Variants in SYN3 observed in about 807,000 individuals in gnomAD.
SYN3 encodes the protein synapsin-3.
SYN3 carries 35 observed loss-of-function variants against 65.8 expected under a neutral mutation model. The observed-to-expected ratio is 0.53, with a 90% CI of 0.41 to 0.70. The LOEUF (loss-of-function observed/expected upper bound fraction) is 0.70, where lower values mean the gene tolerates loss of function less well. Ranked by LOEUF, SYN3 falls within the 30% of genes least tolerant of loss-of-function variation. The probability of loss-of-function intolerance (pLI) is 0.00; values close to 1 mark genes in which losing one functional copy is unlikely to be tolerated. For synonymous variants in SYN3, 270 were observed against 292.9 expected, an observed-to-expected ratio of 0.92 and a Z score of 0.80; for missense variants, 680 against 749.0, an observed-to-expected ratio of 0.91 and a Z score of 1.08.
At chr22:32,710,905 C>T (rs768486793) in intron 6 of SYN3, among the ~76,000 whole-genome samples, 5 of 152,132 alleles carry the variant, frequency 3.3e-5, no homozygotes, top group Middle Eastern at 3.2e-3. Context: ...AACTAATACA[C>T]GCCCCCCATG....
At chr22:32,693,460 A>G (rs2060693226) in intron 6 of SYN3, among the ~76,000 whole-genome samples, 1 of 152,146 alleles carries the variant, frequency 6.6e-6, no homozygotes, top group Non-Finnish European at 1.5e-5. Context: ...TTTTCATTTA[A>G]TGTTTTTGAA....
rs1341687566 is a variant in SYN3 at position 32,657,697 on chromosome 22, C to G, written c.712-60961G>C. On this transcript the variant is annotated intron_variant, in intron 6 of 13. Coordinates refer to ENST00000358763, the MANE Select transcript of SYN3 (RefSeq NM_003490.4). The stretch of plus-strand genomic sequence containing the variant: ...GAGCCTTCCCTATGCTCAAAGGACA[C>G]AGCAGTCATGAACTGGGCTCCAGTG... Among the ~76,000 whole-genome samples the G allele has an allele frequency of 3.9e-5, 6 of 152,274 alleles. No homozygotes were observed. The East Asian group carries it at 9.7e-4, about 25-fold the overall frequency.
chr22:32,666,315 T>C (rs2060288974), intron 6 of SYN3, among the ~76,000 whole-genome samples: 1 of 152,156 alleles, frequency 6.6e-6, no homozygotes. Context: ...CTCATCTTAC[T>C]CTAAAGAATA....
intron 1 of SYN3, among the ~76,000 whole-genome samples, chr22:33,015,984 A>G (rs2053459047): frequency 6.6e-6 from 1 of 151,928 alleles, no homozygotes; most frequent in Non-Finnish European, 1.5e-5. Context: ...CTGGGATTAC[A>G]GGCGCCCGCC....
intron 6 of SYN3, among the ~76,000 whole-genome samples, chr22:32,624,517 C>T (rs1242539289): frequency 6.6e-6 from 1 of 152,210 alleles, no homozygotes; most frequent in East Asian, 1.9e-4. Flanking sequence ...CTCCCCTGGG[C>T]CACCTCTCCA....
chr22:32,987,139 G>A (rs759208070), intron 2 of SYN3, among the ~76,000 whole-genome samples: 4 of 152,118 alleles, frequency 2.6e-5, no homozygotes, highest in Non-Finnish European at 4.4e-5. Flanking sequence ...GGAAGGAGAG[G>A]TCAGGAATGT....
Position 32,586,036 on chromosome 22 carries a change from A to ATG in SYN3, c.774+10636_774+10637dup, listed in dbSNP as rs137943466. Among the ~76,000 whole-genome samples the ATG allele has an allele frequency of 3.2e-3, 327 of 103,488 alleles. 21 individuals are homozygous for ATG. Among genetic ancestry groups the ATG allele is most frequent in the African/African-American group, 0.018 (302 of 16,646 alleles). 67.9% of individuals were successfully genotyped at this position (103,488 alleles called of 152,430 possible). On this transcript the variant is annotated intron_variant, in intron 7 of 13. Coordinates refer to ENST00000358763, the MANE Select transcript of SYN3 (RefSeq NM_003490.4). ...TACGTATATATGTATGTATGTATAT[A>ATG]TGTATATGTATATATGTGTATATGT...
intron 2 of SYN3, among the ~76,000 whole-genome samples, chr22:33,003,818 T>G (rs146181576): frequency 6.6e-6 from 1 of 152,298 alleles, no homozygotes; most frequent in African/African-American, 2.4e-5. Flanking sequence ...GTCAGAGACC[T>G]TGGGGGCAGC....
At chr22:32,624,925 G>C (rs950063853) in intron 6 of SYN3, among the ~76,000 whole-genome samples, 2 of 152,156 alleles carry the variant, frequency 1.3e-5, no homozygotes, top group Non-Finnish European at 2.9e-5. Flanking sequence ...AAATAAGCTG[G>C]TGACTGACCT....
chr22:32,629,985 G>A (rs893338006), intron 6 of SYN3: 5 of 141,058 alleles, frequency 3.5e-5, no homozygotes, highest in Non-Finnish European at 7.4e-5. Context: ...ATATAGGTAT[G>A]TATTTTTTTT....
chr22:32,635,452 G>T (rs2059802848), intron 6 of SYN3, among the ~76,000 whole-genome samples: 1 of 152,212 alleles, frequency 6.6e-6, no homozygotes, highest in Non-Finnish European at 1.5e-5. Context: ...AGCTGATGCT[G>T]AGTTAACCCA....
At chr22:33,056,099 T>TA (rs1430528132) in intron 1 of SYN3, among the ~76,000 whole-genome samples, 5 of 152,152 alleles carry the variant, frequency 3.3e-5, no homozygotes, top group Non-Finnish European at 7.3e-5. Context: ...TAAAAGTACC[T>TA]AAGTTGGAGT....
intron 6 of SYN3, among the ~76,000 whole-genome samples, chr22:32,719,450 A>T (rs1488328263): frequency 6.6e-6 from 1 of 152,224 alleles, no homozygotes; most frequent in African/African-American, 2.4e-5. Context: ...CCAGAATATA[A>T]GTTCCATGAA....
intron 1 of SYN3, chr22:33,015,267 C>A (rs1010111231): frequency 2.2e-6 from 1 of 455,902 alleles, no homozygotes. Flanking sequence ...ACGAGACTAT[C>A]CAAAAGGAGC....
chr22:32,880,462 A>G lies in SYN3; in HGVS notation c.462-11337T>C, dbSNP rs566894938. Among the ~76,000 whole-genome samples, 3 of 152,252 alleles carry G rather than the reference A, an allele frequency of 2.0e-5. No individual in the cohort carries two copies. In the East Asian group the frequency reaches 5.8e-4, roughly 29 times the overall value. ...CTCTGGGGCAAAAACAGTGCCATGG[A>G]GTTGTCCCACTTTGAGGAAAGAGCG... On this transcript the variant is annotated intron_variant, in intron 4 of 13. Coordinates refer to ENST00000358763, the MANE Select transcript of SYN3 (RefSeq NM_003490.4).
At chr22:32,927,744 A>C (rs535344280) in intron 4 of SYN3, among the ~76,000 whole-genome samples, 1 of 152,280 alleles carries the variant, frequency 6.6e-6, no homozygotes, top group Admixed American at 6.5e-5. Context: ...TTGCAGCTCT[A>C]CGTTAATCTG....
intron 3 of SYN3, among the ~76,000 whole-genome samples, chr22:32,933,708 G>T (rs955042953): frequency 7.2e-5 from 11 of 152,124 alleles, no homozygotes; most frequent in Admixed American, 4.6e-4. Flanking sequence ...AAAGTGCTGG[G>T]ATTAGAGGTG....
chr22:32,690,324 T>C (rs993895167), intron 6 of SYN3, among the ~76,000 whole-genome samples: 4 of 152,156 alleles, frequency 2.6e-5, no homozygotes, highest in Admixed American at 6.5e-5. Context: ...GCCTCCAGAA[T>C]GATGAGAAAT....
intron 6 of SYN3, chr22:32,783,084 GA>G (rs1275310999): frequency 6.6e-6 from 1 of 152,312 alleles, no homozygotes; most frequent in Non-Finnish European, 1.5e-5. Context: ...CCACAGCAGA[GA>G]ACTAAGCTCA....
Sources: gnomAD v4.1 joint callset for allele counts (sites outside exome capture counted in the v4.1 genomes callset) on GRCh38, gnomAD v4.1.1 for gene constraint, MANE v1.5 for transcripts, NCBI Gene and HGNC (gene_info 2026-07-23, HGNC 2026-07-21) for gene names.